Variants in OXR1 observed in about 807,000 individuals in gnomAD.
The protein encoded by OXR1 is oxidation resistance 1, also known as oxidation resistance protein 1.
In OXR1, 41 loss-of-function variants were observed where a neutral mutation model predicts 104.6. The observed-to-expected ratio is 0.39, with a 90% confidence interval of 0.31 to 0.51. The LOEUF (loss-of-function observed/expected upper bound fraction) is 0.51, where lower values mean the gene tolerates loss of function less well. Ranked by LOEUF, OXR1 falls within the 20% of genes least tolerant of loss-of-function variation. The pLI is 0.77. For synonymous variants in OXR1, 348 were observed against 348.4 expected (o/e 1.00, Z 0.01); for missense variants, 955 against 1,031.9 (o/e 0.93, Z 1.02).
intron 2 of OXR1, among the ~76,000 whole-genome samples, chr8:106,495,341 A>G (rs1033738824): frequency 6.6e-6 from 1 of 152,176 alleles, no homozygotes. Flanking sequence ...GCTTGCACTC[A>G]TCCTGGAAGA....
chr8:106,691,919 T>C (rs1269586267), intron 6 of OXR1, among the ~76,000 whole-genome samples: 4 of 150,296 alleles, frequency 2.7e-5, no homozygotes, highest in African/African-American at 9.7e-5. Flanking sequence ...TTATTGAACT[T>C]GGCTAAGCTT....
chr8:106,667,213 C>A (rs1160000290), intron 3 of OXR1, among the ~76,000 whole-genome samples: 1 of 152,090 alleles, frequency 6.6e-6, no homozygotes, highest in East Asian at 1.9e-4. Context: ...ATCTTGAAAT[C>A]TCTGTTTAAG....
At chr8:106,279,614 T>G (rs1168080896) in intron 1 of OXR1, among the ~76,000 whole-genome samples, 3 of 152,186 alleles carry the variant, frequency 2.0e-5, no homozygotes, top group African/African-American at 7.2e-5. Flanking sequence ...AGATACATTA[T>G]AGATAACTAC....
intron 3 of OXR1, among the ~76,000 whole-genome samples, chr8:106,623,238 C>T (rs1476927315): frequency 6.6e-6 from 1 of 152,042 alleles, no homozygotes; most frequent in African/African-American, 2.4e-5. Context: ...TATAGTAAAG[C>T]TCCTTTTTCT....
intron 3 of OXR1, among the ~76,000 whole-genome samples, chr8:106,554,057 G>A (rs1358906522): frequency 6.6e-6 from 1 of 152,090 alleles, no homozygotes; most frequent in Non-Finnish European, 1.5e-5. Context: ...CCCAGGATTT[G>A]AGTTACCATG....
At chr8:106,662,692 A>T (rs1438711026) in intron 3 of OXR1, among the ~76,000 whole-genome samples, 2 of 152,192 alleles carry the variant, frequency 1.3e-5, no homozygotes, top group Non-Finnish European at 2.9e-5. Context: ...TAGACATTGG[A>T]CAAAGAATTT....
chr8:106,584,217 A>G (rs1381051536), intron 3 of OXR1, among the ~76,000 whole-genome samples: 1 of 152,028 alleles, frequency 6.6e-6, no homozygotes. Flanking sequence ...AAAAGAGATG[A>G]AAATAATAGA....
At chr8:106,677,499 A>T (rs576146091) in intron 3 of OXR1, among the ~76,000 whole-genome samples, 1 of 152,236 alleles carries the variant, frequency 6.6e-6, no homozygotes, top group East Asian at 1.9e-4. Context: ...GTCAAACAGT[A>T]TGTGACCAAA....
chr8:106,443,789 A>C (rs909011876), intron 2 of OXR1, among the ~76,000 whole-genome samples: 1 of 152,178 alleles, frequency 6.6e-6, no homozygotes, highest in African/African-American at 2.4e-5. Flanking sequence ...ATGGGCAAAG[A>C]CTTCATGACA....
At chr8:106,564,513 C>A (rs971975924) in intron 3 of OXR1, among the ~76,000 whole-genome samples, 3 of 151,826 alleles carry the variant, frequency 2.0e-5, no homozygotes, top group African/African-American at 7.3e-5. Context: ...CCAAAAAAAA[C>A]CTGGGACCAG....
intron 1 of OXR1, among the ~76,000 whole-genome samples, chr8:106,332,362 A>G (rs1362895762): frequency 6.6e-6 from 1 of 152,184 alleles, no homozygotes; most frequent in Non-Finnish European, 1.5e-5. Context: ...TATTTAAGAA[A>G]CTTAAAATGC....
At chr8:106,554,028 A>C (rs1816075565) in intron 3 of OXR1, among the ~76,000 whole-genome samples, 1 of 152,034 alleles carries the variant, frequency 6.6e-6, no homozygotes, top group African/African-American at 2.4e-5. Context: ...CTTTTTCATC[A>C]TCTCTGTAAC....
Position 106,742,202 on chromosome 8 carries a change from T to G in OXR1, c.2317-20T>G, listed in dbSNP as rs774001756. On this transcript the variant is annotated intron_variant, in intron 14 of 16. Transcript: ENST00000517566. Reference sequence around the variant, plus strand: ...TAAATTTGTTAGTCGTGTCATTGAATATGCCTTTTTTATCCTTAGGTTTTT... The same window carrying G: ...TAAATTTGTTAGTCGTGTCATTGAAGATGCCTTTTTTATCCTTAGGTTTTT... The G allele has an allele frequency of 1.8e-5, 25 of 1,353,894 alleles. No homozygotes were observed. Among genetic ancestry groups the G allele is most frequent in the Non-Finnish European group, 2.6e-5 (25 of 943,832 alleles). The allele number at this position is 1,353,894 out of a possible 1,614,324, so 83.9% of individuals were successfully genotyped here. A position where few individuals can be genotyped will look rare whatever the true frequency, so the allele number is the denominator to read the frequency against.
intron 3 of OXR1, among the ~76,000 whole-genome samples, chr8:106,666,743 A>G (rs1176035040): frequency 6.6e-6 from 1 of 152,168 alleles, no homozygotes. Context: ...TGGACAGTGG[A>G]GGATGAGAAA....
Position 106,540,823 on chromosome 8 carries a change from T to C in OXR1, c.220+21684T>C, listed in dbSNP as rs556784783. The stretch of plus-strand genomic sequence containing the variant: ...GCAAACTCCTGTTTTGTGAAAACCA[T>C]CAGATCTCGTGAGACTCATTCACTA... On this transcript the variant is annotated intron_variant, in intron 3 of 16. Transcript: ENST00000517566. 2.6e-5 allele frequency among the ~76,000 whole-genome samples: 4 copies of C among 152,220 alleles called. No homozygotes were observed. The South Asian group carries it at 8.3e-4, about 32-fold the overall frequency.
chr8:106,653,491 AC>A (rs1330202688), intron 3 of OXR1, among the ~76,000 whole-genome samples: 2 of 151,998 alleles, frequency 1.3e-5, no homozygotes, highest in Non-Finnish European at 2.9e-5. Context: ...AGGATAAAGG[AC>A]AAAAAGCACA....
intron 2 of OXR1, among the ~76,000 whole-genome samples, chr8:106,412,467 A>G (rs1818495782): frequency 6.6e-6 from 1 of 152,150 alleles, no homozygotes; most frequent in African/African-American, 2.4e-5. Context: ...CAGTGTGCCA[A>G]CTTATAGCAT....
At chr8:106,689,261 T>A (rs1287861819) in intron 6 of OXR1, among the ~76,000 whole-genome samples, 2 of 152,082 alleles carry the variant, frequency 1.3e-5, no homozygotes, top group Non-Finnish European at 2.9e-5. Flanking sequence ...CTTGTAAATA[T>A]ATCACCACTT....
chr8:106,382,040 C>T (rs1057342350), intron 2 of OXR1, among the ~76,000 whole-genome samples: 2 of 152,130 alleles, frequency 1.3e-5, no homozygotes, highest in African/African-American at 4.8e-5. Flanking sequence ...ATATATGAAG[C>T]TTTCTTATTG....
Sources: gnomAD v4.1 joint callset for allele counts (sites outside exome capture counted in the v4.1 genomes callset) on GRCh38, gnomAD v4.1.1 for gene constraint, MANE v1.5 for transcripts, NCBI Gene and HGNC (gene_info 2026-07-23, HGNC 2026-07-21) for gene names.